The following SCML4 variants were observed in gnomAD, a reference collection of about 807,000 sequenced individuals.
SCML4 encodes the protein sex comb on midleg-like protein 4.
In SCML4, 34 loss-of-function variants were observed where a neutral mutation model predicts 41.1. The observed-to-expected ratio is 0.83, with a 90% CI of 0.63 to 1.10. SCML4 has a LOEUF of 1.10. Among genes scored for constraint, SCML4 ranks in the 50% least tolerant of loss-of-function variants. The pLI, the probability that SCML4 is intolerant of heterozygous loss-of-function variation, is 0.00. For synonymous variants in SCML4, 214 were observed against 220.9 expected, an observed-to-expected ratio of 0.97 and a Z score of 0.28; for missense variants, 522 against 534.1, an observed-to-expected ratio of 0.98 and a Z score of 0.22.
At chr6:107,826,147 G>C (rs1174205563), upstream of SCML4, among the ~76,000 whole-genome samples, 1 of 151,794 alleles carries the variant, frequency 6.6e-6, no homozygotes, top group Non-Finnish European at 1.5e-5. Context: ...GGGAGGCTGA[G>C]GCAGGAGAAT....
intron 1 of SCML4, among the ~76,000 whole-genome samples, chr6:107,777,967 C>T (rs1781089951): frequency 1.3e-5 from 2 of 151,796 alleles, no homozygotes; most frequent in South Asian, 4.2e-4. Flanking sequence ...GTCATCCCAG[C>T]ACTTTCGGAG....
chr6:107,729,856 T>C (rs1776366550), intron 5 of SCML4, among the ~76,000 whole-genome samples: 1 of 152,204 alleles, frequency 6.6e-6, no homozygotes, highest in Non-Finnish European at 1.5e-5. Context: ...AAAGAAACTA[T>C]GGTAGATAAC....
chr6:107,777,306 C>T (rs760525631), intron 1 of SCML4, among the ~76,000 whole-genome samples: 9 of 152,038 alleles, frequency 5.9e-5, no homozygotes, highest in African/African-American at 1.9e-4. Context: ...TTAGTAGAGA[C>T]GGGGTTTCAC....
chr6:107,800,681 T>C (rs1234381028), intron 1 of SCML4, among the ~76,000 whole-genome samples: 1 of 152,220 alleles, frequency 6.6e-6, no homozygotes. Context: ...CCATCTTTCT[T>C]TCCCCCTCTC....
At position 107,821,283 on chromosome 6, in the gene SCML4, C is replaced by G. The variant is rs568520300; in HGVS notation, c.-60+2843G>C. Among the ~76,000 whole-genome samples, 6 of 152,134 alleles carry G rather than the reference C, an allele frequency of 3.9e-5. No homozygotes were observed. The South Asian group carries it at 1.2e-3, about 32-fold the overall frequency. On this transcript the variant is annotated intron_variant, in intron 1 of 7. Coordinates refer to ENST00000369020, the MANE Select transcript of SCML4 (RefSeq NM_198081.5). Reference sequence around the variant, plus strand: ...CTCTCCCAGGGGCTGATTTAATCCCCCTCTTCTCTCCTCACCTGTCTGCTT... The same window carrying G: ...CTCTCCCAGGGGCTGATTTAATCCCGCTCTTCTCTCCTCACCTGTCTGCTT...
At chr6:107,720,065 T>C in intron 6 of SCML4, 2 of 985,504 alleles carry the variant, frequency 2.0e-6, no homozygotes, top group Non-Finnish European at 2.4e-6. Flanking sequence ...TTTGCCTAAC[T>C]CTGCCTCTGC....
the SCML4 span, among the ~76,000 whole-genome samples, chr6:107,834,437 G>A: frequency 1.3e-5 from 2 of 152,190 alleles, no homozygotes; most frequent in African/African-American, 4.8e-5. Context: ...TGTTTGCAGC[G>A]AGGCAAATAC....
upstream of SCML4, among the ~76,000 whole-genome samples, chr6:107,826,006 G>C (rs1785242320): frequency 6.7e-6 from 1 of 148,446 alleles, no homozygotes; most frequent in South Asian, 2.1e-4. Context: ...TGTAATCCCA[G>C]CATTTTGGGA....
chr6:107,755,260 T>A (rs1440650177), intron 2 of SCML4, among the ~76,000 whole-genome samples: 2 of 152,182 alleles, frequency 1.3e-5, no homozygotes, highest in Non-Finnish European at 2.9e-5. Flanking sequence ...CCTCCTGTAT[T>A]TATCCAGTCT....
At chr6:107,739,669 C>T (rs1271560647) in intron 5 of SCML4, among the ~76,000 whole-genome samples, 1 of 152,316 alleles carries the variant, frequency 6.6e-6, no homozygotes, top group East Asian at 1.9e-4. Context: ...CTCCACCCTT[C>T]CCTCATACAA....
chr6:107,729,819 A>ATC (rs1776362436), intron 5 of SCML4, among the ~76,000 whole-genome samples: 1 of 152,196 alleles, frequency 6.6e-6, no homozygotes, highest in Non-Finnish European at 1.5e-5. Context: ...GCCCCAACCT[A>ATC]TCTCTTCAGG....
In SCML4 at chr6:107,708,692, C is replaced by T. The variant is rs147507929; in HGVS notation, c.974-681G>A. Among the ~76,000 whole-genome samples, 502 of 152,244 alleles carry T rather than the reference C, an allele frequency of 3.3e-3. 3 individuals carry two copies. Among genetic ancestry groups the T allele is most frequent in the African/African-American group, 0.011 (476 of 41,536 alleles). ...TCAGAGCATTTGCCCGGGTCTCCCC[C>T]ACTGCACTGTGAACTCCCTGACCGC... On this transcript the variant is annotated intron_variant, in intron 6 of 7. Coordinates refer to ENST00000369020, the MANE Select transcript of SCML4 (RefSeq NM_198081.5).
chr6:107,708,649 C>T (rs1773922316), intron 6 of SCML4, among the ~76,000 whole-genome samples: 1 of 152,210 alleles, frequency 6.6e-6, no homozygotes, highest in African/African-American at 2.4e-5. Flanking sequence ...TGAGTCCTTG[C>T]ACGGCCCTCT....
In SCML4 at chr6:107,720,886, AG is replaced by A; in HGVS notation, c.789del (p.Ser264ProfsTer42). ...STFNHRGSLHPSSSLYCKRQN... is the reference protein window; with the variant it reads ...STFNHRGSLHXSSSLYCKRQN... ...TGCCTCTTGCAGTACAGCGAGGAGG[AG>A]GGGTGCAAGGAGCCCCTGTGGTTAA... On this transcript the variant is annotated frameshift_variant, in exon 6 of 8. Transcript: ENST00000369020. LOFTEE classifies it high-confidence loss of function. 6.2e-7 allele frequency: 1 copy of A among 1,614,078 alleles called. No individual in the cohort carries two copies. Among genetic ancestry groups the A allele is most frequent in the Non-Finnish European group, 8.5e-7 (1 of 1,179,992 alleles).
intron 2 of SCML4, among the ~76,000 whole-genome samples, chr6:107,751,646 C>CTTTCTTTCTTTCTTTT (rs1425350341): frequency 9.6e-6 from 1 of 103,648 alleles, no homozygotes; most frequent in Non-Finnish European, 2.0e-5. Flanking sequence ...TTCTTTCTTT[C>CTTTCTTTCTTTCTTTT]TTTTTTGAGA....
Position 107,745,119 on chromosome 6 carries a change from T to G in SCML4, c.512A>C (p.Gln171Pro), listed in dbSNP as rs749405198. Reference protein sequence around the residue: ...VSVSASFDGKQHLRSLPVVNS... With the variant: ...VSVSASFDGKPHLRSLPVVNS... ...CACCACAGGCAGGCTCCGCAGGTGC[T>G]GTTTGCCATCAAAGGAAGCCGAGAC... The change falls in exon 5 of 8, where the codon CAG becomes CCG. Residue 171 changes from glutamine (Q) to proline (P), a missense_variant. Coordinates refer to ENST00000369020, the MANE Select transcript of SCML4 (RefSeq NM_198081.5). 6.3e-7 allele frequency: 1 copy of G among 1,593,992 alleles called. No individual in the cohort carries two copies. Among genetic ancestry groups the G allele is most frequent in the South Asian group, 1.1e-5 (1 of 88,430 alleles).
chr6:107,723,195 T>G (rs1466790297), intron 5 of SCML4, among the ~76,000 whole-genome samples: 2 of 152,174 alleles, frequency 1.3e-5, no homozygotes, highest in East Asian at 3.8e-4. Context: ...TAGGGTTATA[T>G]CCCAATAAAT....
intron 6 of SCML4, among the ~76,000 whole-genome samples, chr6:107,712,905 A>G (rs1326203740): frequency 1.3e-5 from 2 of 152,180 alleles, no homozygotes; most frequent in Admixed American, 6.5e-5. Flanking sequence ...TCTTGCTCCT[A>G]AGCAGACAGA....
intron 1 of SCML4, among the ~76,000 whole-genome samples, chr6:107,820,238 G>A (rs1342204088): frequency 6.6e-6 from 1 of 152,200 alleles, no homozygotes; most frequent in Non-Finnish European, 1.5e-5. Flanking sequence ...GAAAGATCCA[G>A]AGGGAAGAGA....
Sources: allele counts gnomAD v4.1 joint callset (sites outside exome capture counted in the v4.1 genomes callset), GRCh38; gene constraint gnomAD v4.1.1; transcripts MANE v1.5; gene names NCBI Gene and HGNC (gene_info 2026-07-23, HGNC 2026-07-21).